Variants in TBX20 observed in about 807,000 individuals in gnomAD.
The protein encoded by TBX20 is T-box transcription factor TBX20.
In TBX20, 8 loss-of-function variants were observed where a neutral mutation model predicts 42.9. That is an observed-to-expected ratio of 0.19 (90% CI 0.11 to 0.34). TBX20 has a LOEUF of 0.34. Among genes scored for constraint, TBX20 ranks in the 10% least tolerant of loss-of-function variants. The probability of loss-of-function intolerance (pLI) is 1.00; values close to 1 mark genes in which losing one functional copy is unlikely to be tolerated. For missense variants in TBX20, 411 were observed against 566.0 expected (o/e 0.73, Z 2.78); for synonymous variants, 198 against 222.8 (o/e 0.89, Z 0.99).
At chr7:35,242,774 T>C (rs531644830) in intron 4 of TBX20, among the ~76,000 whole-genome samples, 9 of 152,274 alleles carry the variant, frequency 5.9e-5, no homozygotes, top group Admixed American at 4.6e-4. Flanking sequence ...TAAGGAACAC[T>C]AATAGAAACG....
intron 1 of TBX20, among the ~76,000 whole-genome samples, chr7:35,252,019 A>G (rs981266345): frequency 4.6e-5 from 7 of 152,186 alleles, no homozygotes; most frequent in African/African-American, 7.2e-5. Context: ...TTAAAGTTCA[A>G]GATTTAGAAT....
At chr7:35,212,872 T>C (rs1789520983) in intron 6 of TBX20, among the ~76,000 whole-genome samples, 1 of 152,320 alleles carries the variant, frequency 6.6e-6, no homozygotes, top group South Asian at 2.1e-4. Context: ...TCAAAAGGGA[T>C]CCTCTATAAA....
At chr7:35,216,590 T>C (rs1789594992) in intron 6 of TBX20, among the ~76,000 whole-genome samples, 1 of 152,256 alleles carries the variant, frequency 6.6e-6, no homozygotes, top group African/African-American at 2.4e-5. Flanking sequence ...ATTGTTATTA[T>C]TGAGCATTGA....
At chr7:35,242,558 CA>C (rs1308334341) in intron 4 of TBX20, among the ~76,000 whole-genome samples, 2 of 152,136 alleles carry the variant, frequency 1.3e-5, no homozygotes, top group Non-Finnish European at 2.9e-5. Context: ...GAAGAATTTT[CA>C]AATCACACCC....
At chr7:35,240,812 A>C in intron 5 of TBX20, 67 bp downstream of exon 5, 1 of 1,458,480 alleles carries the variant, frequency 6.9e-7, no homozygotes, top group Non-Finnish European at 9.6e-7. Flanking sequence ...TCTTCTCTCC[A>C]AGAAAATATA....
intron 5 of TBX20, among the ~76,000 whole-genome samples, chr7:35,235,862 T>C (rs1584352851): frequency 6.6e-6 from 1 of 152,088 alleles, no homozygotes. Context: ...CAGCTAGGGT[T>C]CCCAGCCACA....
At chr7:35,216,923 C>T (rs1789601755) in intron 6 of TBX20, among the ~76,000 whole-genome samples, 1 of 152,014 alleles carries the variant, frequency 6.6e-6, no homozygotes, top group South Asian at 2.1e-4. Context: ...TAAATAACTC[C>T]TTGTCACAAT....
intron 5 of TBX20, among the ~76,000 whole-genome samples, chr7:35,236,129 T>C (rs1243540399): frequency 1.3e-5 from 2 of 152,154 alleles, no homozygotes; most frequent in Admixed American, 1.3e-4. Flanking sequence ...AAATAAAAGG[T>C]CCTACTTTCA....
rs778353825 is a variant in TBX20, at chr7:35,250,185, G to A, written c.146C>T (p.Ser49Leu). 1.2e-6 allele frequency: 2 copies of A among 1,613,902 alleles called. No homozygotes were observed. The highest frequency in any genetic ancestry group is 1.7e-5 in the Admixed American group (1 of 59,998). The change falls in exon 2 of 8, where the codon TCG (serine) becomes TTG (leucine). Residue 49 changes from serine (S) to leucine (L), a missense_variant. Coordinates refer to ENST00000408931, the MANE Select transcript of TBX20 (RefSeq NM_001077653.2). ...CTCACCCAGGGGCTGGGCACAGGAC[G>A]ACTTCTCCACAAATTGCTCTGGAGG... The part of the protein sequence containing the change: ...IKPLEQFVEK[S>L]SCAQPLGELT...
At chr7:35,243,038 C>G (rs968542124) in intron 4 of TBX20, among the ~76,000 whole-genome samples, 12 of 152,100 alleles carry the variant, frequency 7.9e-5, no homozygotes, top group Admixed American at 4.6e-4. Context: ...ATTGCAGTGG[C>G]ACAACCACAA....
chr7:35,238,691 G>A (rs540951663), intron 5 of TBX20, among the ~76,000 whole-genome samples: 6 of 152,212 alleles, frequency 3.9e-5, no homozygotes, highest in Non-Finnish European at 8.8e-5. Context: ...GATTCGCAGA[G>A]AAACAGCATT....
intron 6 of TBX20, among the ~76,000 whole-genome samples, chr7:35,204,903 G>A (rs1254376477): frequency 3.3e-5 from 5 of 152,124 alleles, no homozygotes; most frequent in Admixed American, 3.3e-4. Flanking sequence ...TCCATGATGT[G>A]AAAAATAATG....
intron 5 of TBX20, among the ~76,000 whole-genome samples, chr7:35,239,192 T>C (rs1313781249): frequency 6.6e-6 from 1 of 152,126 alleles, no homozygotes; most frequent in Non-Finnish European, 1.5e-5. Flanking sequence ...ACATCCCTTT[T>C]CCAGGCTTCT....
intron 7 of TBX20, among the ~76,000 whole-genome samples, chr7:35,203,987 G>A (rs1277974567): frequency 6.6e-6 from 1 of 152,192 alleles, no homozygotes; most frequent in African/African-American, 2.4e-5. Flanking sequence ...CAACACTGGG[G>A]CCACTTCCTC....
chr7:35,248,643 C>T (rs373698831), intron 3 of TBX20, 34 bp downstream of exon 3: 14 of 1,611,112 alleles, frequency 8.7e-6, no homozygotes, highest in Non-Finnish European at 1.0e-5. Flanking sequence ...GATGCACTAA[C>T]AGTTTTCTCA....
chr7:35,222,273 C>T (rs1338854142), intron 6 of TBX20, among the ~76,000 whole-genome samples: 1 of 151,884 alleles, frequency 6.6e-6, no homozygotes, highest in Non-Finnish European at 1.5e-5. Context: ...CATATATAGC[C>T]CATTGTCTGA....
Position 35,253,815 on chromosome 7 carries a change from G to C in TBX20, c.-195C>G, listed in dbSNP as rs111429982. On this transcript the variant is annotated 5_prime_UTR_variant, in exon 1 of 8. Transcript: ENST00000408931. ...CTCTATTCCCCACCGCAAAGCCCCAGAGCCGCAGAGACTTCGAAGGCAGCC... is the reference window on the plus strand; with the variant it reads ...CTCTATTCCCCACCGCAAAGCCCCACAGCCGCAGAGACTTCGAAGGCAGCC... 8.0e-4 allele frequency: 534 copies of C among 665,168 alleles called. 4 individuals are homozygous for C. In the African/African-American group the frequency reaches 8.7e-3, roughly 11 times the overall value. 41.2% of individuals were successfully genotyped at this position (665,168 alleles called of 1,614,324 possible).
intron 6 of TBX20, among the ~76,000 whole-genome samples, chr7:35,221,662 T>A (rs1789686706): frequency 6.6e-6 from 1 of 152,130 alleles, no homozygotes; most frequent in Non-Finnish European, 1.5e-5. Context: ...AGCCTCTCAG[T>A]TATGCAAGAA....
intron 7 of TBX20, among the ~76,000 whole-genome samples, chr7:35,203,763 T>C (rs1001812588): frequency 2.0e-5 from 3 of 152,344 alleles, no homozygotes; most frequent in Admixed American, 6.5e-5. Flanking sequence ...AGTGGTTCAC[T>C]TGGACTGAGT....
Sources: gnomAD v4.1 joint callset for allele counts (sites outside exome capture counted in the v4.1 genomes callset) on GRCh38, gnomAD v4.1.1 for gene constraint, MANE v1.5 for transcripts, NCBI Gene and HGNC (gene_info 2026-07-23, HGNC 2026-07-21) for gene names.